MRPL2: variants seen among roughly 807,000 people sequenced by gnomAD.
MRPL2 encodes mitochondrial ribosomal protein L2.
Under a neutral mutation model 34.6 loss-of-function variants are expected in MRPL2, and 27 were observed. The observed-to-expected ratio is 0.78, with a 90% CI of 0.58 to 1.08. The LOEUF is 1.08. Among genes scored for constraint, MRPL2 ranks in the 50% least tolerant of loss-of-function variants. MRPL2 has a pLI of 0.00. For missense variants in MRPL2, 414 were observed against 419.3 expected, an observed-to-expected ratio of 0.99 and a Z score of 0.11; for synonymous variants, 155 against 158.0, an observed-to-expected ratio of 0.98 and a Z score of 0.14.
At chr6:43,055,387 A>G (rs1040106701) in intron 6 of MRPL2, among the ~76,000 whole-genome samples, 158 bp downstream of exon 6, 3 of 152,148 alleles carry the variant, frequency 2.0e-5, no homozygotes, top group East Asian at 1.9e-4. Context: ...TATGGTGCCA[A>G]TCCGACAAAG....
chr6:43,054,585 G>T, intron 6 of MRPL2, 99 bp from the exon 7 acceptor site: 1 of 966,352 alleles, frequency 1.0e-6, no homozygotes, highest in Non-Finnish European at 1.6e-6. Flanking sequence ...CTCAAGGAGA[G>T]AAGGGCGAGG....
At chr6:43,054,716 T>A (rs1764773833) in intron 6 of MRPL2, among the ~76,000 whole-genome samples, 1 of 152,064 alleles carries the variant, frequency 6.6e-6, no homozygotes, top group Admixed American at 6.5e-5. Context: ...GGCTGGAGGA[T>A]CACTTGAGCT....
chr6:43,059,745 G>T (rs1267570863), upstream of MRPL2: 7 of 1,216,888 alleles, frequency 5.8e-6, no homozygotes, highest in African/African-American at 1.6e-5. Flanking sequence ...TCTTATTCTC[G>T]CACTACCAGA....
chr6:43,059,588 C>A, upstream of MRPL2: 1 of 1,413,764 alleles, frequency 7.1e-7, no homozygotes, highest in South Asian at 1.6e-5. Context: ...CAGGCCCCGC[C>A]CCCCCAGACC....
intron 1 of MRPL2, 78 bp from the exon 2 acceptor site, chr6:43,058,311 G>T: frequency 6.9e-7 from 1 of 1,449,696 alleles, no homozygotes; most frequent in Non-Finnish European, 9.5e-7. Flanking sequence ...AGAGGGCACA[G>T]ATCAATTTTA....
intron 2 of MRPL2, 113 bp from the exon 3 acceptor site, chr6:43,056,558 C>T: frequency 7.5e-7 from 1 of 1,333,852 alleles, no homozygotes; most frequent in Non-Finnish European, 1.0e-6. Flanking sequence ...GTGGCACAAG[C>T]AGAAATGATA....
chr6:43,055,947 T>C lies in MRPL2; in HGVS notation c.581A>G (p.Asn194Ser). Residue 194 changes from asparagine (N) to serine (S), a missense_variant, in exon 5 of 7, where the codon AAC becomes AGC. Coordinates refer to ENST00000388752, the MANE Select transcript of MRPL2 (RefSeq NM_015950.5). ...CCGGCCTGGCTCACTTTCCACGTTGTTGATGAGGGTCCCCACAGGCAGAGC... is the reference window on the plus strand; with the variant it reads ...CCGGCCTGGCTCACTTTCCACGTTGCTGATGAGGGTCCCCACAGGCAGAGC... ...LGALPVGTLI[N>S]NVESEPGRGA... 3 of 1,614,140 alleles carry C rather than the reference T, an allele frequency of 1.9e-6. No homozygotes were observed. Among genetic ancestry groups the C allele is most frequent in the Non-Finnish European group, 2.5e-6 (3 of 1,179,996 alleles).
intron 4 of MRPL2, 28 bp downstream of exon 4, chr6:43,056,053 G>A: frequency 1.2e-6 from 2 of 1,614,098 alleles, no homozygotes; most frequent in Non-Finnish European, 1.7e-6. Context: ...GCTGCCTCCA[G>A]CCCACACATC....
At chr6:43,056,032 C>G (rs776307497) in intron 4 of MRPL2, 25 bp from the exon 5 acceptor site, 1 of 1,614,166 alleles carries the variant, frequency 6.2e-7, no homozygotes, top group South Asian at 1.1e-5. Context: ...TTCATTAGCT[C>G]TAGAACTTTT....
At chr6:43,059,819 C>T (rs972953921), upstream of MRPL2, 43 of 1,168,530 alleles carry the variant, frequency 3.7e-5, no homozygotes, top group Middle Eastern at 3.6e-4. Flanking sequence ...CCGCCCTTCG[C>T]GATTCTTCCC....
intron 6 of MRPL2, among the ~76,000 whole-genome samples, chr6:43,054,892 A>G (rs1336146431): frequency 6.6e-6 from 1 of 152,166 alleles, no homozygotes; most frequent in Non-Finnish European, 1.5e-5. Context: ...AGCCTGGCCA[A>G]CGTGGTGATA....
chr6:43,056,574 T>C, intron 2 of MRPL2, 129 bp from the exon 3 acceptor site: 1 of 1,117,528 alleles, frequency 8.9e-7, no homozygotes. Context: ...TGATAAAAAT[T>C]TGCACAGCAC....
chr6:43,059,025 G>A, intron 1 of MRPL2: 1 of 1,018,774 alleles, frequency 9.8e-7, no homozygotes, highest in Non-Finnish European at 1.4e-6. Context: ...GCTTATCATA[G>A]GCACTCGAAA....
chr6:43,057,990 G>A (rs902262079), intron 2 of MRPL2, 75 bp downstream of exon 2: 1 of 1,508,024 alleles, frequency 6.6e-7, no homozygotes, highest in Non-Finnish European at 9.1e-7. Flanking sequence ...AGGTACAAGT[G>A]TGTCAATATA....
chr6:43,056,539 C>T (rs1199558277), intron 2 of MRPL2, 94 bp from the exon 3 acceptor site: 24 of 1,470,790 alleles, frequency 1.6e-5, no homozygotes, highest in Non-Finnish European at 2.1e-5. Flanking sequence ...GAGAGCAGTG[C>T]TTAGCATTGT....
At chr6:43,058,311 G>A in intron 1 of MRPL2, 78 bp from the exon 2 acceptor site, 1 of 1,449,700 alleles carries the variant, frequency 6.9e-7, no homozygotes, top group East Asian at 2.3e-5. Context: ...AGAGGGCACA[G>A]ATCAATTTTA....
chr6:43,054,465 T>C lies in MRPL2; in HGVS notation c.727A>G (p.Thr243Ala). 1 of 1,614,130 alleles carries C rather than the reference T, an allele frequency of 6.2e-7. No homozygotes were observed. Among genetic ancestry groups the C allele is most frequent in the Non-Finnish European group, 8.5e-7 (1 of 1,180,026 alleles). The stretch of plus-strand genomic sequence containing the variant: ...TCAACGTTGGATACTCGGCCTACTG[T>C]TGCTACGCACGTTTCCAGCACCTGA... ...QMQVLETCVA[T>A]VGRVSNVDHN... Residue 243 changes from threonine (T) to alanine (A), a missense_variant, in exon 7 of 7, where the codon ACA becomes GCA. By Grantham distance (58) the Thr-to-Ala change is moderately conservative. Coordinates refer to ENST00000388752, the MANE Select transcript of MRPL2 (RefSeq NM_015950.5).
In MRPL2 at chr6:43,056,007, A is replaced by G. The variant is rs768029054; in HGVS notation, c.521T>C (p.Val174Ala). ...LNSNHIGRMA[V>A]AAREGDAHPL... ...ATGCGCATCCCCTTCCCGAGCAGCA[A>G]CTAAAAGACAGGATTTCATTAGCTC... The change falls in exon 5 of 7, where the codon GTT becomes GCT. Residue 174 changes from valine to alanine, a missense_variant and splice_region_variant. Physicochemically the swap from Val to Ala is moderately conservative, Grantham distance 64 (BLOSUM62 0). Coordinates refer to ENST00000388752, the MANE Select transcript of MRPL2 (RefSeq NM_015950.5). 3.7e-6 allele frequency: 6 copies of G among 1,614,070 alleles called. No individual in the cohort carries two copies. The highest frequency in any genetic ancestry group is 5.1e-6 in the Non-Finnish European group (6 of 1,180,038).
Position 43,058,161 on chromosome 6 carries a change from C to T in MRPL2, c.169G>A (p.Val57Met). 4 of 1,614,188 alleles carry T rather than the reference C, an allele frequency of 2.5e-6. No individual in the cohort carries two copies. Among genetic ancestry groups the T allele is most frequent in the Non-Finnish European group, 3.4e-6 (4 of 1,180,040 alleles). ...LLPCRPVLTS[V>M]ALNANFVSWK... ...GACACAAAGTTGGCATTAAGGGCCACAGAAGTAAGAACTGGGCGGCAGGGG... is the reference window on the plus strand; with the variant it reads ...GACACAAAGTTGGCATTAAGGGCCATAGAAGTAAGAACTGGGCGGCAGGGG... Residue 57 changes from valine to methionine, a missense_variant, in exon 2 of 7, where the codon GTG becomes ATG. By Grantham distance (21) the Val-to-Met change is conservative. Coordinates refer to ENST00000388752, the MANE Select transcript of MRPL2 (RefSeq NM_015950.5).
Sources: allele counts gnomAD v4.1 joint callset (sites outside exome capture counted in the v4.1 genomes callset), GRCh38; gene constraint gnomAD v4.1.1; transcripts MANE v1.5; gene names NCBI Gene and HGNC (gene_info 2026-07-23, HGNC 2026-07-21).